MEGF11: variants seen among roughly 807,000 people sequenced by gnomAD.
MEGF11 encodes the protein multiple epidermal growth factor-like domains protein 11.
A neutral mutation model predicts 146.6 loss-of-function variants in MEGF11; 126 were observed. The ratio of observed to expected loss-of-function variants is 0.86; its 90% CI spans 0.74 to 1.00. The LOEUF (loss-of-function observed/expected upper bound fraction) is 1.00. Ranked by LOEUF, MEGF11 falls within the 50% of genes least tolerant of loss-of-function variation. The probability of loss-of-function intolerance (pLI) is 0.00; values close to 1 mark genes in which losing one functional copy is unlikely to be tolerated. For synonymous variants in MEGF11, 532 were observed against 583.4 expected (o/e 0.91, Z 1.27); for missense variants, 1,509 against 1,521.2 (o/e 0.99, Z 0.13).
intron 10 of MEGF11, among the ~76,000 whole-genome samples, chr15:65,941,277 G>A (rs1166107916): frequency 6.6e-6 from 1 of 152,110 alleles, no homozygotes; most frequent in African/African-American, 2.4e-5. Flanking sequence ...TTAGTTGGGC[G>A]TCGTGGCAGG....
intron 5 of MEGF11, among the ~76,000 whole-genome samples, chr15:66,055,771 C>T (rs922663254): frequency 1.3e-5 from 2 of 152,126 alleles, no homozygotes; most frequent in Non-Finnish European, 1.5e-5. Context: ...CTCACGCGGC[C>T]GCACTGCTTA....
intron 5 of MEGF11, among the ~76,000 whole-genome samples, chr15:66,016,479 G>GT (rs58588643): frequency 0.61 from 77,204 of 127,514 alleles, 24,595 homozygotes; most frequent in Non-Finnish European, 0.71. Flanking sequence ...CATCCATTCA[G>GT]TTTTTTTTTT....
chr15:66,220,538 T>C (rs1226968461), intron 1 of MEGF11, among the ~76,000 whole-genome samples: 1 of 150,102 alleles, frequency 6.7e-6, no homozygotes, highest in East Asian at 2.0e-4. Context: ...TTTTTTTTTT[T>C]TTTTTTTGCT....
chr15:65,905,942 G>A, intron 24 of MEGF11, 143 bp downstream of exon 24: 1 of 566,758 alleles, frequency 1.8e-6, no homozygotes. Flanking sequence ...CTACCCAACA[G>A]CCCCAGGCCC....
At chr15:66,073,720 C>A (rs1333984905) in intron 5 of MEGF11, among the ~76,000 whole-genome samples, 1 of 152,194 alleles carries the variant, frequency 6.6e-6, no homozygotes, top group Admixed American at 6.5e-5. Flanking sequence ...GGGTGGGCAG[C>A]CTATTCCCTT....
At chr15:66,037,882 C>T (rs1369281269) in intron 5 of MEGF11, among the ~76,000 whole-genome samples, 3 of 151,996 alleles carry the variant, frequency 2.0e-5, no homozygotes, top group African/African-American at 4.8e-5. Context: ...AGGAGGTGAT[C>T]GGGACAAGCA....
At chr15:66,154,624 G>C (rs928596722) in intron 1 of MEGF11, among the ~76,000 whole-genome samples, 1 of 152,252 alleles carries the variant, frequency 6.6e-6, no homozygotes, top group Non-Finnish European at 1.5e-5. Flanking sequence ...GAAAGGCAAA[G>C]TGCTGGAGGG....
intron 1 of MEGF11, among the ~76,000 whole-genome samples, chr15:66,237,047 G>A (rs1394814940): frequency 1.3e-5 from 2 of 152,112 alleles, no homozygotes; most frequent in African/African-American, 2.4e-5. Context: ...CGGGCTGTTG[G>A]AATCCTGGTG....
chr15:65,905,882 C>G, intron 24 of MEGF11: 1 of 440,452 alleles, frequency 2.3e-6, no homozygotes, highest in East Asian at 3.5e-5. Context: ...CAACTGAAAT[C>G]GAAAGATGAA....
chr15:66,222,494 T>C (rs2091761318), intron 1 of MEGF11, among the ~76,000 whole-genome samples: 1 of 152,174 alleles, frequency 6.6e-6, no homozygotes, highest in South Asian at 2.1e-4. Context: ...ACTCCTTGTG[T>C]TTGCCTCCTA....
At chr15:65,975,093 T>TGCCTCA (rs2081407798) in intron 7 of MEGF11, among the ~76,000 whole-genome samples, 1 of 152,266 alleles carries the variant, frequency 6.6e-6, no homozygotes, top group East Asian at 1.9e-4. Context: ...GTGGTCTGCC[T>TGCCTCA]GCCTCAGCCT....
chr15:66,180,964 G>GCTC (rs1405437525), intron 1 of MEGF11, among the ~76,000 whole-genome samples: 3 of 152,152 alleles, frequency 2.0e-5, no homozygotes, highest in African/African-American at 4.8e-5. Context: ...CCACTCACCA[G>GCTC]CTCCTCCGGC....
chr15:66,075,110 T>A (rs1481998660), intron 5 of MEGF11, among the ~76,000 whole-genome samples: 2 of 152,200 alleles, frequency 1.3e-5, no homozygotes, highest in African/African-American at 4.8e-5. Context: ...TTGTTTAGGG[T>A]GTCAAAAGGC....
At chr15:66,145,535 G>A (rs916382848) in intron 1 of MEGF11, among the ~76,000 whole-genome samples, 1 of 152,178 alleles carries the variant, frequency 6.6e-6, no homozygotes, top group Non-Finnish European at 1.5e-5. Flanking sequence ...AAGGTGCATA[G>A]ACTAGGACCT....
intron 10 of MEGF11, among the ~76,000 whole-genome samples, chr15:65,939,056 A>G (rs1347324527): frequency 6.6e-6 from 1 of 152,132 alleles, no homozygotes; most frequent in Non-Finnish European, 1.5e-5. Context: ...CCTCCCTCAC[A>G]CAAAAGAGGG....
chr15:65,967,182 G>A (rs1292223086), intron 8 of MEGF11: 4 of 152,164 alleles, frequency 2.6e-5, no homozygotes, highest in South Asian at 2.1e-4. Context: ...TTAGAAAGGC[G>A]CCCAGACCAT....
intron 1 of MEGF11, among the ~76,000 whole-genome samples, chr15:66,190,551 G>A (rs2090841433): frequency 6.6e-6 from 1 of 152,178 alleles, no homozygotes; most frequent in South Asian, 2.1e-4. Flanking sequence ...AAGGTCCCTG[G>A]TAGGTAGAAA....
chr15:66,212,957 C>G (rs1346787319), intron 1 of MEGF11, among the ~76,000 whole-genome samples: 1 of 152,244 alleles, frequency 6.6e-6, no homozygotes, highest in Non-Finnish European at 1.5e-5. Flanking sequence ...GGGTGAGCCC[C>G]TCATGCCCCG....
At chr15:66,132,243 C>T (rs2088676802) in intron 1 of MEGF11, among the ~76,000 whole-genome samples, 1 of 151,386 alleles carries the variant, frequency 6.6e-6, no homozygotes, top group Non-Finnish European at 1.5e-5. Flanking sequence ...GGTGGCAGCA[C>T]ACACCTGTCC....
Sources: gnomAD v4.1 joint callset for allele counts (sites outside exome capture counted in the v4.1 genomes callset) on GRCh38, gnomAD v4.1.1 for gene constraint, MANE v1.5 for transcripts, NCBI Gene and HGNC (gene_info 2026-07-23, HGNC 2026-07-21) for gene names.